The following XKR6 variants were observed in gnomAD, a reference collection of about 807,000 sequenced individuals.
XKR6 encodes the protein XK related 6.
Under a neutral mutation model 56.7 loss-of-function variants are expected in XKR6, and 22 were observed. The ratio of observed to expected loss-of-function variants is 0.39; its 90% confidence interval spans 0.28 to 0.55. XKR6 has a LOEUF of 0.55. Ranked by LOEUF, XKR6 falls within the 20% of genes least tolerant of loss-of-function variation. XKR6 has a pLI of 0.66. For synonymous variants in XKR6, 524 were observed against 387.8 expected (o/e 1.35, Z -4.13); for missense variants, 852 against 889.0 (o/e 0.96, Z 0.53).
intron 1 of XKR6, among the ~76,000 whole-genome samples, chr8:10,992,979 T>C (rs1490231930): frequency 6.6e-6 from 1 of 152,234 alleles, no homozygotes; most frequent in Non-Finnish European, 1.5e-5. Flanking sequence ...ATTCTTCACA[T>C]GTCTTTTAAA....
chr8:11,179,016 TTTTC>T (rs1802827270), intron 1 of XKR6, among the ~76,000 whole-genome samples: 1 of 136,104 alleles, frequency 7.3e-6, no homozygotes, highest in African/African-American at 3.1e-5. Flanking sequence ...CTAATTTTCT[TTTTC>T]TTTTTTTTTT....
Position 11,125,163 on chromosome 8 carries a change from G to A in XKR6, c.764+75413C>T, listed in dbSNP as rs565252771. Among the ~76,000 whole-genome samples the A allele has an allele frequency of 3.7e-4, 56 of 152,082 alleles. 2 individuals are homozygous for A. The highest frequency in any genetic ancestry group is 1.3e-3 in the African/African-American group (56 of 41,492). On this transcript the variant is annotated intron_variant, in intron 1 of 2. Transcript: ENST00000416569. Reference sequence around the variant, plus strand: ...TAGGAAAATGTGAAAGCAAGCGTGGGGCCATGAGGGAGTGCACAGGTCACA... The same window carrying A: ...TAGGAAAATGTGAAAGCAAGCGTGGAGCCATGAGGGAGTGCACAGGTCACA...
chr8:11,086,102 C>G (rs1797878041), intron 1 of XKR6, among the ~76,000 whole-genome samples: 1 of 149,030 alleles, frequency 6.7e-6, no homozygotes, highest in Non-Finnish European at 1.5e-5. Flanking sequence ...AAGAATAGGA[C>G]CAGAACTCAA....
At chr8:11,164,655 CACAA>C (rs1801981541) in intron 1 of XKR6, among the ~76,000 whole-genome samples, 1 of 152,146 alleles carries the variant, frequency 6.6e-6, no homozygotes, top group Non-Finnish European at 1.5e-5. Context: ...ACTAAATACA[CACAA>C]ACATACATGC....
Position 11,195,267 on chromosome 8 carries a change from A to G in XKR6, c.764+5309T>C, listed in dbSNP as rs1021705068. 20 of 679,550 alleles carry G rather than the reference A, an allele frequency of 2.9e-5. No homozygotes were observed. In the African/African-American group the frequency reaches 3.0e-4, roughly 10 times the overall value. The allele number at this position is 679,550 out of a possible 1,614,324, so 42.1% of individuals were successfully genotyped here. A position where few individuals can be genotyped will look rare whatever the true frequency, so the allele number is the denominator to read the frequency against. On this transcript the variant is annotated intron_variant, in intron 1 of 2. Coordinates refer to ENST00000416569, the MANE Select transcript of XKR6 (RefSeq NM_173683.4). Reference sequence around the variant, plus strand: ...ATCACCCTAGTGTTTTTACAGTTTAACATTTTATGTTTACACCTTTCATTC... The same window carrying G: ...ATCACCCTAGTGTTTTTACAGTTTAGCATTTTATGTTTACACCTTTCATTC...
At chr8:11,194,410 T>A (rs538603584) in intron 1 of XKR6, 7 of 152,372 alleles carry the variant, frequency 4.6e-5, no homozygotes, top group Admixed American at 4.6e-4. Context: ...GTGGATTGTC[T>A]TTAGGCAATT....
At chr8:10,936,252 G>T (rs1801202732) in intron 1 of XKR6, among the ~76,000 whole-genome samples, 1 of 150,540 alleles carries the variant, frequency 6.6e-6, no homozygotes, top group Non-Finnish European at 1.5e-5. Flanking sequence ...CCATTTGCTT[G>T]GTAGATCTTT....
chr8:11,099,168 A>G (rs1353300362), intron 1 of XKR6, among the ~76,000 whole-genome samples: 1 of 152,098 alleles, frequency 6.6e-6, no homozygotes, highest in Non-Finnish European at 1.5e-5. Flanking sequence ...ACTGAACCAC[A>G]TCTCCTTTCT....
At chr8:11,027,065 G>C (rs2129150487) in intron 1 of XKR6, among the ~76,000 whole-genome samples, 1 of 152,252 alleles carries the variant, frequency 6.6e-6, no homozygotes, top group South Asian at 2.1e-4. Flanking sequence ...TACACACGTA[G>C]ATGGCGTTGC....
intron 1 of XKR6, among the ~76,000 whole-genome samples, chr8:11,119,998 A>C (rs977821698): frequency 6.6e-6 from 1 of 152,222 alleles, no homozygotes; most frequent in Non-Finnish European, 1.5e-5. Context: ...CTTCATGCTA[A>C]AAACTCTCAA....
At chr8:11,116,841 G>A (rs957216960) in intron 1 of XKR6, among the ~76,000 whole-genome samples, 16 of 152,082 alleles carry the variant, frequency 1.1e-4, no homozygotes, top group African/African-American at 3.4e-4. Flanking sequence ...GGTTACAGTC[G>A]ACAACAACTG....
At chr8:10,919,737 C>T (rs1485252281) in intron 2 of XKR6, among the ~76,000 whole-genome samples, 1 of 152,204 alleles carries the variant, frequency 6.6e-6, no homozygotes, top group Non-Finnish European at 1.5e-5. Flanking sequence ...CACTGGACTG[C>T]TTTTCCAACC....
At chr8:11,143,843 A>C (rs1800836607) in intron 1 of XKR6, among the ~76,000 whole-genome samples, 1 of 152,212 alleles carries the variant, frequency 6.6e-6, no homozygotes, top group Non-Finnish European at 1.5e-5. Context: ...GGGTGACTTC[A>C]ACAACAGAAA....
chr8:11,141,516 C>T (rs991146325), intron 1 of XKR6, among the ~76,000 whole-genome samples: 7 of 152,198 alleles, frequency 4.6e-5, no homozygotes, highest in South Asian at 2.1e-4. Flanking sequence ...AAATGACCTG[C>T]GGTCCTTAGA....
intron 1 of XKR6, among the ~76,000 whole-genome samples, chr8:10,988,958 T>G (rs1797926524): frequency 6.6e-6 from 1 of 152,196 alleles, no homozygotes; most frequent in Admixed American, 6.5e-5. Context: ...GAGGACAGTA[T>G]CCTGGACACA....
intron 1 of XKR6, chr8:11,062,807 C>T (rs1467729982): frequency 4.4e-6 from 2 of 456,186 alleles, no homozygotes; most frequent in East Asian, 6.9e-5. Context: ...CCCCACCTCC[C>T]AGCCTCCTCG....
At chr8:10,985,871 G>A (rs1320190948) in intron 1 of XKR6, among the ~76,000 whole-genome samples, 3 of 152,282 alleles carry the variant, frequency 2.0e-5, no homozygotes, top group East Asian at 1.9e-4. Flanking sequence ...CTCCCAGAGC[G>A]CTGGGATTAC....
chr8:10,935,143 G>A (rs1453944496), intron 1 of XKR6, among the ~76,000 whole-genome samples: 4 of 88,656 alleles, frequency 4.5e-5, no homozygotes, highest in East Asian at 4.0e-4. Flanking sequence ...TGTATGTGTC[G>A]AGGAATTTAT....
chr8:10,947,766 C>T (rs1801594643), intron 1 of XKR6, among the ~76,000 whole-genome samples: 1 of 152,204 alleles, frequency 6.6e-6, no homozygotes, highest in South Asian at 2.1e-4. Context: ...AATAGCCCAC[C>T]GCCAGGGGAA....
Sources: gnomAD v4.1 joint callset for allele counts (sites outside exome capture counted in the v4.1 genomes callset) on GRCh38, gnomAD v4.1.1 for gene constraint, MANE v1.5 for transcripts, NCBI Gene and HGNC (gene_info 2026-07-23, HGNC 2026-07-21) for gene names.